The following DOT1L variants were observed in gnomAD, a reference collection of about 807,000 sequenced individuals.
DOT1L encodes the protein histone-lysine N-methyltransferase, H3 lysine-79 specific.
A neutral mutation model predicts 153.3 loss-of-function variants in DOT1L; 33 were observed. The ratio of observed to expected loss-of-function variants is 0.22; its 90% CI spans 0.16 to 0.29. DOT1L has a LOEUF of 0.29. Among genes scored for constraint, DOT1L ranks in the 10% least tolerant of loss-of-function variants. The pLI is 1.00. For synonymous variants in DOT1L, 1,135 were observed against 965.1 expected (o/e 1.18, Z -3.26); for missense variants, 1,847 against 2,119.9 (o/e 0.87, Z 2.53).
rs895265916 is a variant in DOT1L, at chr19:2,230,270, G to A, written c.*478G>A. The A allele has an allele frequency of 3.7e-5, 16 of 426,744 alleles. No individual in the cohort carries two copies. The highest frequency in any genetic ancestry group is 6.0e-4 in the Middle Eastern group (1 of 1,680). The allele number at this position is 426,744 out of a possible 1,614,324, so 26.4% of individuals were successfully genotyped here. On this transcript the variant is annotated 3_prime_UTR_variant, in exon 28 of 28. Transcript: ENST00000398665. Reference sequence around the variant, plus strand: ...ACGCCGCCCGGCCGGCTCCCCCGACGCGCTGCTCCCGTACCAAAGGCAGGC... The same window carrying A: ...ACGCCGCCCGGCCGGCTCCCCCGACACGCTGCTCCCGTACCAAAGGCAGGC...
chr19:2,193,070 C>T lies in DOT1L; in HGVS notation c.494-619C>T, dbSNP rs954311453. ...GTGGCTTGACACCCCCGGTGTGCGC[C>T]GCTGCCTCCACCCTCCTGACGCTGG... On this transcript the variant is annotated intron_variant, in intron 5 of 27. Transcript: ENST00000398665. The surrounding 1 kb of genome is among the most constrained non-coding windows in gnomAD (Gnocchi z 5.9). Among the ~76,000 whole-genome samples, 3 of 152,196 alleles carry T rather than the reference C, an allele frequency of 2.0e-5. No homozygotes were observed. The highest frequency in any genetic ancestry group is 4.8e-5 in the African/African-American group (2 of 41,428).
At chr19:2,229,601 T>A in intron 27 of DOT1L, 184 bp from the exon 28 acceptor site, 2 of 985,454 alleles carry the variant, frequency 2.0e-6, no homozygotes, top group Non-Finnish European at 2.4e-6. Context: ...GGCTCCCTGG[T>A]CTGTCACGGG....
At position 2,203,542 on chromosome 19, in the gene DOT1L, T is replaced by C. The variant is rs556803114; in HGVS notation, c.787+763T>C. On this transcript the variant is annotated intron_variant, in intron 9 of 27. Coordinates refer to ENST00000398665, the MANE Select transcript of DOT1L (RefSeq NM_032482.3). Reference sequence around the variant, plus strand: ...GGAGTGGGGCTCTCAGCTGTTTTGTTTTCTCCCTCCGGAGAAAGGTCACCA... The same window carrying C: ...GGAGTGGGGCTCTCAGCTGTTTTGTCTTCTCCCTCCGGAGAAAGGTCACCA... Among the ~76,000 whole-genome samples, 108 of 152,290 alleles carry C rather than the reference T, an allele frequency of 7.1e-4. 1 individual carries two copies. Among genetic ancestry groups the C allele is most frequent in the Non-Finnish European group, 7.9e-4 (54 of 68,028 alleles).
intron 27 of DOT1L, chr19:2,228,531 G>C (rs1171270778): frequency 8.6e-7 from 1 of 1,161,086 alleles, no homozygotes; most frequent in Non-Finnish European, 1.1e-6. Context: ...AGATGGTCGC[G>C]AGAGGAGGGA....
intron 27 of DOT1L, chr19:2,228,899 T>A: frequency 2.0e-6 from 2 of 985,402 alleles, no homozygotes; most frequent in Non-Finnish European, 2.4e-6. Flanking sequence ...TAGCCTCGGA[T>A]GCCCTCATAG....
At chr19:2,214,317 C>T in intron 18 of DOT1L, 154 bp from the exon 19 acceptor site, 25 of 1,312,738 alleles carry the variant, frequency 1.9e-5, no homozygotes, top group Non-Finnish European at 2.5e-5. Flanking sequence ...TCCGCGTGTT[C>T]CGCATCCTCA....
chr19:2,168,098 G>A (rs188711185), intron 1 of DOT1L, among the ~76,000 whole-genome samples: 5 of 152,266 alleles, frequency 3.3e-5, no homozygotes, highest in Admixed American at 3.3e-4. Flanking sequence ...ACTCAGTGTT[G>A]TGGGGGCACA....
At chr19:2,221,827 C>A in intron 23 of DOT1L, 149 bp from the exon 24 acceptor site, 1 of 817,356 alleles carries the variant, frequency 1.2e-6, no homozygotes, top group Non-Finnish European at 1.9e-6. Context: ...GGTTCCACCC[C>A]AGAGGGGCCG....
At chr19:2,202,826 G>A (rs1469244236) in intron 9 of DOT1L, 47 bp downstream of exon 9, 5 of 1,607,762 alleles carry the variant, frequency 3.1e-6, no homozygotes, top group Non-Finnish European at 3.4e-6. Flanking sequence ...CATGATTGAG[G>A]AAGGGTGGCC....
chr19:2,199,374 G>A (rs112511640), intron 7 of DOT1L, among the ~76,000 whole-genome samples: 4 of 152,216 alleles, frequency 2.6e-5, no homozygotes, highest in African/African-American at 7.2e-5. Context: ...AGAGCTCGGC[G>A]CTAGGCTTTC....
intron 12 of DOT1L, 27 bp downstream of exon 12, chr19:2,209,003 G>C: frequency 6.2e-7 from 1 of 1,610,438 alleles, no homozygotes; most frequent in East Asian, 2.2e-5. Context: ...TTTCTCTTGG[G>C]TTAATAACAC....
chr19:2,229,995 A>G lies in DOT1L; in HGVS notation c.*203A>G. On this transcript the variant is annotated 3_prime_UTR_variant, in exon 28 of 28. Coordinates refer to ENST00000398665, the MANE Select transcript of DOT1L (RefSeq NM_032482.3). ...TACTGTCGATAGTTTTAGATAAAGTATTTATCATTTTTTAAAAAGTATAAA... is the reference window on the plus strand; with the variant it reads ...TACTGTCGATAGTTTTAGATAAAGTGTTTATCATTTTTTAAAAAGTATAAA... 1 of 771,654 alleles carries G rather than the reference A, an allele frequency of 1.3e-6. No homozygotes were observed. The highest frequency in any genetic ancestry group is 1.8e-5 in the South Asian group (1 of 54,950). The allele number at this position is 771,654 out of a possible 1,614,324, so 47.8% of individuals were successfully genotyped here.
At chr19:2,229,680 C>T (rs2144961425) in intron 27 of DOT1L, 105 bp from the exon 28 acceptor site, 10 of 1,603,312 alleles carry the variant, frequency 6.2e-6, no homozygotes, top group South Asian at 1.1e-5. Context: ...CCCCAGGTGG[C>T]GTGTGTGCTC....
intron 6 of DOT1L, 76 bp from the exon 7 acceptor site, chr19:2,194,439 G>C: frequency 1.9e-6 from 3 of 1,561,598 alleles, no homozygotes; most frequent in Non-Finnish European, 2.6e-6. Flanking sequence ...CCAAAGTGCC[G>C]GGATTACAGG....
chr19:2,227,931 C>G, intron 27 of DOT1L: 2 of 1,200,388 alleles, frequency 1.7e-6, no homozygotes, highest in Non-Finnish European at 2.1e-6. Flanking sequence ...TCCGCCTCCC[C>G]CGCTGCCCCC....
rs551039923 is a variant in DOT1L, at chr19:2,169,939, C to T, written c.81+5674C>T. ...TGGGAGGCCAAGGCGGGCAGATCAC[C>T]TGCGGTCAGGAGTTCGAGACCAGCT... On this transcript the variant is annotated intron_variant, in intron 1 of 27. Coordinates refer to ENST00000398665, the MANE Select transcript of DOT1L (RefSeq NM_032482.3). 2.5e-4 allele frequency among the ~76,000 whole-genome samples: 38 copies of T among 152,306 alleles called. No homozygotes were observed. The East Asian group carries it at 6.9e-3, about 28-fold the overall frequency.
At chr19:2,202,501 C>T (rs1599579745) in intron 8 of DOT1L, among the ~76,000 whole-genome samples, 199 bp from the exon 9 acceptor site, 1 of 152,224 alleles carries the variant, frequency 6.6e-6, no homozygotes, top group Non-Finnish European at 1.5e-5. Context: ...GTTTTTGGCC[C>T]CACTCAGAAG....
chr19:2,177,611 C>T (rs1008690298), intron 1 of DOT1L, among the ~76,000 whole-genome samples: 1 of 152,140 alleles, frequency 6.6e-6, no homozygotes, highest in Non-Finnish European at 1.5e-5. Flanking sequence ...GATCTGCGCC[C>T]AGCTCGTGTT....
chr19:2,225,064 CTCTG>C (rs1334501933), intron 25 of DOT1L, among the ~76,000 whole-genome samples: 1 of 152,216 alleles, frequency 6.6e-6, no homozygotes, highest in African/African-American at 2.4e-5. Context: ...AGGAAGAGAG[CTCTG>C]TCTGGGATTC....
Sources: gnomAD v4.1 joint callset for allele counts (sites outside exome capture counted in the v4.1 genomes callset) on GRCh38, gnomAD v4.1.1 for gene constraint, Gnocchi (gnomAD v3.1) non-coding constraint, MANE v1.5 for transcripts, NCBI Gene and HGNC (gene_info 2026-07-23, HGNC 2026-07-21) for gene names.